Variants in GALNTL6 observed in about 807,000 individuals in gnomAD.
GALNTL6 encodes the protein polypeptide N-acetylgalactosaminyltransferase-like 6.
In GALNTL6, 46 loss-of-function variants were observed where a neutral mutation model predicts 73.7. That is an observed-to-expected ratio of 0.62 (90% CI 0.49 to 0.80). The LOEUF (loss-of-function observed/expected upper bound fraction) is 0.80, where lower values mean the gene tolerates loss of function less well. GALNTL6 is among the 30% of genes least tolerant of loss of function. The probability of loss-of-function intolerance (pLI) is 0.00; values close to 1 mark genes in which losing one functional copy is unlikely to be tolerated. For synonymous variants in GALNTL6, 259 were observed against 263.7 expected, an observed-to-expected ratio of 0.98 and a Z score of 0.17; for missense variants, 604 against 755.0, an observed-to-expected ratio of 0.80 and a Z score of 2.34.
chr4:172,513,887 G>T (rs1363310624), intron 5 of GALNTL6, among the ~76,000 whole-genome samples: 1 of 152,180 alleles, frequency 6.6e-6, no homozygotes, highest in Non-Finnish European at 1.5e-5. Context: ...CTCGTATGCT[G>T]GTTGTGCTGG....
intron 10 of GALNTL6, among the ~76,000 whole-genome samples, chr4:172,986,411 C>T (rs1474189453): frequency 1.3e-5 from 2 of 152,118 alleles, no homozygotes; most frequent in African/African-American, 2.4e-5. Flanking sequence ...AGTGAAAGTC[C>T]GAGCTTCAGT....
At chr4:172,639,552 C>T (rs908511756) in intron 5 of GALNTL6, among the ~76,000 whole-genome samples, 1 of 152,048 alleles carries the variant, frequency 6.6e-6, no homozygotes, top group Admixed American at 6.6e-5. Context: ...TGTTCATTAC[C>T]CCTAGAGAAT....
chr4:172,064,766 C>G (rs892869425), intron 2 of GALNTL6, among the ~76,000 whole-genome samples: 2 of 152,072 alleles, frequency 1.3e-5, no homozygotes, highest in Non-Finnish European at 2.9e-5. Flanking sequence ...ATCAATTTAG[C>G]AATCCTGGAC....
At chr4:172,064,212 G>A (rs13144252) in intron 2 of GALNTL6, among the ~76,000 whole-genome samples, 60,510 of 151,978 alleles carry the variant, frequency 0.4, 13,263 homozygotes, top group East Asian at 0.75. Flanking sequence ...TATGCTAATT[G>A]CATTGCCCTC....
chr4:171,869,890 C>T (rs1716318805), intron 2 of GALNTL6, among the ~76,000 whole-genome samples: 1 of 152,136 alleles, frequency 6.6e-6, no homozygotes, highest in Non-Finnish European at 1.5e-5. Flanking sequence ...CCTCCCCAGC[C>T]ACATGGAACT....
At chr4:171,987,996 T>G (rs561636400) in intron 2 of GALNTL6, among the ~76,000 whole-genome samples, 1 of 152,144 alleles carries the variant, frequency 6.6e-6, no homozygotes, top group Non-Finnish European at 1.5e-5. Flanking sequence ...GAGCAGAAAG[T>G]ATATGCGTCA....
chr4:172,528,989 G>GTATATATA (rs772954347), intron 5 of GALNTL6, among the ~76,000 whole-genome samples: 1 of 51,760 alleles, frequency 1.9e-5, no homozygotes, highest in Non-Finnish European at 4.6e-5. Context: ...ATACATATGT[G>GTATATATA]TGTATATATA....
intron 3 of GALNTL6, among the ~76,000 whole-genome samples, chr4:172,257,434 C>T (rs1365576780): frequency 6.6e-6 from 1 of 151,352 alleles, no homozygotes; most frequent in African/African-American, 2.4e-5. Context: ...TTTAGTCGGC[C>T]AGGAATTGAT....
At chr4:172,997,312 G>A (rs143433832) in intron 10 of GALNTL6, among the ~76,000 whole-genome samples, 32 of 152,216 alleles carry the variant, frequency 2.1e-4, no homozygotes, top group African/African-American at 6.7e-4. Context: ...ACATGGGTGC[G>A]AATCCTGCCT....
At chr4:172,288,281 C>T (rs1183633670) in intron 3 of GALNTL6, among the ~76,000 whole-genome samples, 5 of 151,848 alleles carry the variant, frequency 3.3e-5, no homozygotes, top group African/African-American at 4.8e-5. Context: ...TTAGTAGAGA[C>T]GGGGTTTCAC....
intron 5 of GALNTL6, among the ~76,000 whole-genome samples, chr4:172,620,547 C>T (rs1055798132): frequency 3.9e-5 from 6 of 152,044 alleles, no homozygotes; most frequent in Admixed American, 1.3e-4. Context: ...ATACAAACAC[C>T]GTCTTGCAAG....
chr4:173,032,311 C>T (rs555517396), intron 12 of GALNTL6, among the ~76,000 whole-genome samples: 2 of 152,200 alleles, frequency 1.3e-5, no homozygotes, highest in South Asian at 4.1e-4. Context: ...ATTAGCCGGG[C>T]GTGGTGGCGG....
At chr4:172,697,205 T>C (rs1390533304) in intron 5 of GALNTL6, among the ~76,000 whole-genome samples, 5 of 152,186 alleles carry the variant, frequency 3.3e-5, no homozygotes, top group African/African-American at 9.7e-5. Context: ...TTTCTGAAAA[T>C]ACTGGTTTTT....
At chr4:172,589,829 G>GTC (rs142136993) in intron 5 of GALNTL6, among the ~76,000 whole-genome samples, 12 of 151,310 alleles carry the variant, frequency 7.9e-5, no homozygotes, top group South Asian at 2.1e-4. Flanking sequence ...AGTGCATGCA[G>GTC]TCTCTCTCTC....
At chr4:172,869,463 C>A (rs138650341) in intron 7 of GALNTL6, among the ~76,000 whole-genome samples, 3 of 152,114 alleles carry the variant, frequency 2.0e-5, no homozygotes. Flanking sequence ...AAGGGCATGA[C>A]CTGATTCAGA....
chr4:172,711,717 T>C (rs1560897578), intron 5 of GALNTL6, among the ~76,000 whole-genome samples: 1 of 152,066 alleles, frequency 6.6e-6, no homozygotes, highest in Non-Finnish European at 1.5e-5. Context: ...ATGTGCTGAG[T>C]GGGTAGTTAC....
intron 2 of GALNTL6, among the ~76,000 whole-genome samples, chr4:172,206,668 C>T (rs1043147192): frequency 3.3e-5 from 5 of 151,742 alleles, no homozygotes; most frequent in African/African-American, 7.3e-5. Context: ...CCGTCATGTA[C>T]GCAGCAGGGG....
intron 5 of GALNTL6, chr4:172,379,904 G>A: frequency 3.6e-6 from 2 of 551,616 alleles, no homozygotes; most frequent in South Asian, 4.1e-5. Context: ...AATCACCAAA[G>A]GACTGAAGAA....
At chr4:172,539,908 A>ATATATAT (rs1561128725) in intron 5 of GALNTL6, among the ~76,000 whole-genome samples, 10 of 99,682 alleles carry the variant, frequency 1.0e-4, no homozygotes, top group East Asian at 2.3e-4. Context: ...TATATATATA[A>ATATATAT]AAAATCTCAT....
Sources: gnomAD v4.1 joint callset for allele counts (sites outside exome capture counted in the v4.1 genomes callset) on GRCh38, gnomAD v4.1.1 for gene constraint, MANE v1.5 for transcripts, NCBI Gene and HGNC (gene_info 2026-07-23, HGNC 2026-07-21) for gene names.